PTPRU: variants seen among roughly 807,000 people sequenced by gnomAD.
PTPRU encodes protein tyrosine phosphatase receptor type U.
PTPRU carries 69 observed loss-of-function variants against 166.3 expected under a neutral mutation model. That is an observed-to-expected ratio of 0.41 (90% CI 0.34 to 0.51). The LOEUF (loss-of-function observed/expected upper bound fraction) is 0.51, where lower values mean the gene tolerates loss of function less well. PTPRU is among the 20% of genes least tolerant of loss of function. The probability of loss-of-function intolerance (pLI) is 0.09; values close to 1 mark genes in which losing one functional copy is unlikely to be tolerated. For synonymous variants in PTPRU, 793 were observed against 814.0 expected, an observed-to-expected ratio of 0.97 and a Z score of 0.44; for missense variants, 1,657 against 2,013.7, an observed-to-expected ratio of 0.82 and a Z score of 3.39.
At chr1:29,286,051 C>T (rs570001732) in intron 14 of PTPRU, among the ~76,000 whole-genome samples, 1 of 152,320 alleles carries the variant, frequency 6.6e-6, no homozygotes, top group African/African-American at 2.4e-5. Flanking sequence ...CTCTGGGCTG[C>T]CAGGAGCGGA....
chr1:29,297,982 G>A (rs1048772847), intron 15 of PTPRU, among the ~76,000 whole-genome samples: 1 of 152,124 alleles, frequency 6.6e-6, no homozygotes, highest in African/African-American at 2.4e-5. Flanking sequence ...AAGGTGCTAG[G>A]CGCGGTGGCT....
intron 24 of PTPRU, 25 bp downstream of exon 24, chr1:29,316,176 G>GGT (rs150059433): frequency 2.0e-4 from 310 of 1,576,026 alleles, no homozygotes; most frequent in African/African-American, 6.2e-4. Context: ...CGTGTGTATA[G>GGT]GTGTGTGTGT....
At position 29,258,775 on chromosome 1, in the gene PTPRU, A is replaced by G. The variant is rs1270365334; in HGVS notation, c.476A>G (p.Gln159Arg). 1 of 1,568,044 alleles carries G rather than the reference A, an allele frequency of 6.4e-7. No homozygotes were observed. Among genetic ancestry groups the G allele is most frequent in the Non-Finnish European group, 8.6e-7 (1 of 1,156,154 alleles). The change falls in exon 3 of 30, where the codon CAG becomes CGG. Residue 159 changes from glutamine (Q) to arginine (R), a missense_variant and splice_region_variant. Coordinates refer to ENST00000373779, the MANE Select transcript of PTPRU (RefSeq NM_133178.4). Reference protein sequence around the residue: ...AVSTFWPNEYQVLFEALISPD... With the variant: ...AVSTFWPNEYRVLFEALISPD... ...AGCACTTTCTGGCCCAATGAATATCAGGTGGGCTGGGTTCAGTCAGCGGTC... is the reference window on the plus strand; with the variant it reads ...AGCACTTTCTGGCCCAATGAATATCGGGTGGGCTGGGTTCAGTCAGCGGTC...
chr1:29,283,377 C>T (rs1166093163), intron 12 of PTPRU, among the ~76,000 whole-genome samples: 3 of 151,480 alleles, frequency 2.0e-5, no homozygotes, highest in African/African-American at 7.3e-5. Context: ...ACCCCAGGCT[C>T]CTTCCCACAG....
chr1:29,308,060 T>G (rs946942448), intron 18 of PTPRU, among the ~76,000 whole-genome samples: 7 of 151,968 alleles, frequency 4.6e-5, no homozygotes, highest in Non-Finnish European at 8.8e-5. Context: ...CCTGGCCCAT[T>G]TTTTAGCCTT....
chr1:29,269,244 A>C (rs1255315923), intron 7 of PTPRU, among the ~76,000 whole-genome samples: 1 of 27,610 alleles, frequency 3.6e-5, no homozygotes, highest in South Asian at 2.7e-3. Context: ...ATATATATAT[A>C]TATTTTTTTT....
intron 14 of PTPRU, among the ~76,000 whole-genome samples, chr1:29,288,926 A>AAGCTGTG (rs1452466180): frequency 6.6e-6 from 1 of 152,132 alleles, no homozygotes; most frequent in Non-Finnish European, 1.5e-5. Context: ...CTCTTGATGG[A>AAGCTGTG]AGCTGTGCCC....
rs1158854354 is a variant in PTPRU, at chr1:29,321,759, T to A, written c.3828+934T>A. 5.3e-5 allele frequency among the ~76,000 whole-genome samples: 8 copies of A among 152,376 alleles called. No individual in the cohort carries two copies. The East Asian group carries it at 9.6e-4, about 18-fold the overall frequency. ...CAGGTGTGCATAGGATATGTGGCAC[T>A]GCTGTGTCTGCTGCACAGTAGGCAT... On this transcript the variant is annotated intron_variant, in intron 26 of 29. Coordinates refer to ENST00000373779, the MANE Select transcript of PTPRU (RefSeq NM_133178.4).
At position 29,257,923 on chromosome 1, in the gene PTPRU, G is replaced by A. The variant is rs1390323984; in HGVS notation, c.206-582G>A. Among the ~76,000 whole-genome samples, 2 of 152,122 alleles carry A rather than the reference G, an allele frequency of 1.3e-5. No individual in the cohort carries two copies. Among genetic ancestry groups the A allele is most frequent in the East Asian group, 3.9e-4 (2 of 5,152 alleles). ...AGAACATGGGGAAAGCTGTGGTTAG[G>A]CTGGGCATGGGCATTGTGACCTGTA... is the stretch of plus-strand genomic sequence containing the variant. On this transcript the variant is annotated intron_variant, in intron 2 of 29. Coordinates refer to ENST00000373779, the MANE Select transcript of PTPRU (RefSeq NM_133178.4). The surrounding 1 kb of genome is among the most constrained non-coding windows in gnomAD (Gnocchi z 4.6).
intron 8 of PTPRU, among the ~76,000 whole-genome samples, chr1:29,277,757 A>G (rs1458670275): frequency 2.7e-5 from 4 of 147,104 alleles, no homozygotes; most frequent in African/African-American, 1.0e-4. Flanking sequence ...GAAGTCACAG[A>G]AAGCCTGGCT....
At chr1:29,294,774 C>T (rs913780604) in intron 15 of PTPRU, among the ~76,000 whole-genome samples, 1 of 151,802 alleles carries the variant, frequency 6.6e-6, no homozygotes, top group East Asian at 1.9e-4. Context: ...TTATTTTTTC[C>T]ATGGTGATAA....
intron 28 of PTPRU, among the ~76,000 whole-genome samples, chr1:29,324,210 C>T (rs945226413): frequency 6.6e-6 from 1 of 152,238 alleles, no homozygotes; most frequent in African/African-American, 2.4e-5. Context: ...TTCATAAGTT[C>T]ATGTATTCAC....
chr1:29,311,456 G>A lies in PTPRU; in HGVS notation c.2858G>A (p.Gly953Glu), dbSNP rs1429105024. ...HRSNHFIATQ[G>E]PKPEMVYDFW... ...AGGCACCCTCTGCCTGCATCCCCAG[G>A]GCCGAAGCCTGAGATGGTCTATGAC... The change falls in exon 20 of 30, where the codon GGG becomes GAG. Residue 953 changes from glycine to glutamate, a missense_variant and splice_region_variant. Transcript: ENST00000373779. The surrounding 1 kb of genome is among the most constrained non-coding windows in gnomAD (Gnocchi z 4.1). 4 of 1,613,958 alleles carry A rather than the reference G, an allele frequency of 2.5e-6. No individual in the cohort carries two copies. The Admixed American group carries it at 5.0e-5, about 20-fold the overall frequency.
chr1:29,257,764 C>A lies in PTPRU; in HGVS notation c.206-741C>A, dbSNP rs1389762120. ...ACACACAGGCACTTTAGTAATGACC[C>A]AGGGGGCAGGAGAGAAGCCCAGGGT... On this transcript the variant is annotated intron_variant, in intron 2 of 29. Coordinates refer to ENST00000373779, the MANE Select transcript of PTPRU (RefSeq NM_133178.4). The surrounding 1 kb of genome is among the most constrained non-coding windows in gnomAD (Gnocchi z 4.6). Among the ~76,000 whole-genome samples the A allele has an allele frequency of 6.6e-6, 1 of 152,036 alleles. No individual in the cohort carries two copies. The highest frequency in any genetic ancestry group is 1.5e-5 in the Non-Finnish European group (1 of 67,990).
chr1:29,313,220 A>G (rs1314134866), intron 22 of PTPRU, among the ~76,000 whole-genome samples: 1 of 152,020 alleles, frequency 6.6e-6, no homozygotes, highest in Non-Finnish European at 1.5e-5. Flanking sequence ...TGCTTCTTAA[A>G]TGGGGACCCA....
rs1175870568 is a variant in PTPRU, at chr1:29,269,246, ATTTTTTTTTTTTTT to A, written c.1145-6186_1145-6173del. ...TATATATATATATATATATATATATATTTTTTTTTTTTTTTTTTTTTTTTTTTTTGTAGAGACAG... is the reference window on the plus strand; with the variant it reads ...TATATATATATATATATATATATATATTTTTTTTTTTTTTTGTAGAGACAG... On this transcript the variant is annotated intron_variant, in intron 7 of 29. Transcript: ENST00000373779. Among the ~76,000 whole-genome samples, 5 of 20,588 alleles carry A rather than the reference ATTTTTTTTTTTTTT, an allele frequency of 2.4e-4. No homozygotes were observed. In the South Asian group the frequency reaches 7.7e-3, roughly 32 times the overall value. 13.5% of individuals were successfully genotyped at this position (20,588 alleles called of 152,430 possible).
intron 15 of PTPRU, among the ~76,000 whole-genome samples, chr1:29,298,000 G>A (rs559717950): frequency 3.3e-5 from 5 of 152,280 alleles, no homozygotes; most frequent in East Asian, 1.9e-4. Context: ...GCTCACACCT[G>A]TAATCCCAGC....
chr1:29,292,116 C>T lies in PTPRU; in HGVS notation c.2476+90C>T, dbSNP rs1187255210. ...TCCCCACATCAGGTGAGTTCTGTAA[C>T]ACCTGCAACCAAAAGTGAAGCATCT... On this transcript the variant is annotated intron_variant, in intron 15 of 29. Transcript: ENST00000373779. 4 of 1,456,536 alleles carry T rather than the reference C, an allele frequency of 2.7e-6. No homozygotes were observed. The African/African-American group carries it at 4.2e-5, about 15-fold the overall frequency. The allele number at this position is 1,456,536 out of a possible 1,614,324, so 90.2% of individuals were successfully genotyped here. A position where few individuals can be genotyped will look rare whatever the true frequency, so the allele number is the denominator to read the frequency against.
In PTPRU at chr1:29,317,638, T is replaced by C. The variant is rs1574724595; in HGVS notation, c.3514-110T>C. 8.0e-7 allele frequency: 1 copy of C among 1,254,700 alleles called. No homozygotes were observed. The highest frequency in any genetic ancestry group is 1.1e-6 in the Non-Finnish European group (1 of 908,802). 77.7% of individuals were successfully genotyped at this position (1,254,700 alleles called of 1,614,324 possible). On this transcript the variant is annotated intron_variant, in intron 24 of 29. Coordinates refer to ENST00000373779, the MANE Select transcript of PTPRU (RefSeq NM_133178.4). The surrounding 1 kb of genome is among the most constrained non-coding windows in gnomAD (Gnocchi z 5.6). Reference sequence around the variant, plus strand: ...ACCCTTCTCTCTGGACCTCAGTTTCTCCATCCATAAAATGGGATTAGTAAC... The same window carrying C: ...ACCCTTCTCTCTGGACCTCAGTTTCCCCATCCATAAAATGGGATTAGTAAC...
Sources: allele counts gnomAD v4.1 joint callset (sites outside exome capture counted in the v4.1 genomes callset), GRCh38; gene constraint gnomAD v4.1.1; non-coding constraint Gnocchi (gnomAD v3.1); transcripts MANE v1.5; gene names NCBI Gene and HGNC (gene_info 2026-07-23, HGNC 2026-07-21).